Variants in TUT4 observed in about 807,000 individuals in gnomAD.
TUT4 encodes terminal uridylyl transferase 4, also known as terminal uridylyltransferase 4.
In TUT4, 36 loss-of-function variants were observed where a neutral mutation model predicts 192.2. The observed-to-expected ratio is 0.19, with a 90% CI of 0.14 to 0.25. The LOEUF (loss-of-function observed/expected upper bound fraction) is 0.25, where lower values mean the gene tolerates loss of function less well. TUT4 is among the 10% of genes least tolerant of loss of function. TUT4 has a pLI of 1.00. For synonymous variants in TUT4, 618 were observed against 666.0 expected, an observed-to-expected ratio of 0.93 and a Z score of 1.11; for missense variants, 1,493 against 1,957.2, an observed-to-expected ratio of 0.76 and a Z score of 4.47.
chr1:52,470,736 C>T (rs1335947935), intron 14 of TUT4, among the ~76,000 whole-genome samples: 1 of 152,066 alleles, frequency 6.6e-6, no homozygotes. Context: ...AAGTAGTTGC[C>T]TGGTGGGAGG....
At chr1:52,529,827 T>C (rs1198248692) in intron 1 of TUT4, 1 of 152,212 alleles carries the variant, frequency 6.6e-6, no homozygotes, top group Non-Finnish European at 1.5e-5. Flanking sequence ...GGTTTTCATT[T>C]TGAGTAATCT....
chr1:52,550,027 T>C (rs1689007097), intron 1 of TUT4, among the ~76,000 whole-genome samples: 1 of 152,126 alleles, frequency 6.6e-6, no homozygotes, highest in Admixed American at 6.5e-5. Context: ...CTTGGGCCTG[T>C]AAGAAATACT....
intron 15 of TUT4, 75 bp downstream of exon 15, chr1:52,468,106 T>C (rs1010504447): frequency 9.1e-7 from 1 of 1,104,136 alleles, no homozygotes; most frequent in Non-Finnish European, 1.3e-6. Flanking sequence ...ATTCAATAAA[T>C]ATTTTTAAAT....
At chr1:52,509,200 T>TC (rs34337912) in intron 4 of TUT4, among the ~76,000 whole-genome samples, 1 of 151,796 alleles carries the variant, frequency 6.6e-6, no homozygotes, top group African/African-American at 2.4e-5. Flanking sequence ...AGCACAATCT[T>TC]CCCCCCCTAA....
intron 1 of TUT4, among the ~76,000 whole-genome samples, chr1:52,543,221 A>T (rs1406667551): frequency 6.6e-6 from 1 of 152,228 alleles, no homozygotes; most frequent in Non-Finnish European, 1.5e-5. Flanking sequence ...ACACACACAC[A>T]ACTAAAAAAT....
In TUT4 at chr1:52,431,080, G is replaced by T; in HGVS notation, c.4644C>A (p.His1548Gln). 1.2e-6 allele frequency: 2 copies of T among 1,613,972 alleles called. No individual in the cohort carries two copies. Among genetic ancestry groups the T allele is most frequent in the East Asian group, 4.5e-5 (2 of 44,868 alleles). The part of the protein sequence containing the change: ...ARPVAIPNTS[H>Q]DGHWPRTVAP... ...CCACAGTACGGGGCCAGTGTCCATC[G>T]TGAGACGTGTTAGGGATTGCCACAG... The change falls in exon 28 of 30, where the codon CAC becomes CAA. Residue 1548 changes from histidine (H) to glutamine (Q), a missense_variant. This residue lies in a region of TUT4 where 351 missense variants were observed against 397.8 expected (regional missense o/e 0.88). Transcript: ENST00000257177.
chr1:52,457,438 G>A (rs1454309898), intron 20 of TUT4, among the ~76,000 whole-genome samples: 1 of 151,818 alleles, frequency 6.6e-6, no homozygotes, highest in African/African-American at 2.4e-5. Flanking sequence ...GTTTCACCAT[G>A]TTGGCCAGGA....
intron 14 of TUT4, among the ~76,000 whole-genome samples, chr1:52,470,915 AAT>A (rs1191346141): frequency 6.6e-6 from 1 of 152,052 alleles, no homozygotes; most frequent in Non-Finnish European, 1.5e-5. Flanking sequence ...CGTTCCCCAA[AAT>A]ATGTTTATAG....
intron 11 of TUT4, 109 bp downstream of exon 11, chr1:52,481,314 C>A: frequency 8.5e-7 from 1 of 1,174,342 alleles, no homozygotes. Context: ...AAAATGAGGC[C>A]AAGAGGCTTG....
chr1:52,427,046 T>G (rs993102987), intron 28 of TUT4, among the ~76,000 whole-genome samples: 6 of 152,098 alleles, frequency 3.9e-5, no homozygotes, highest in Non-Finnish European at 8.8e-5. Context: ...ATAATAATAC[T>G]ATATAACAGG....
chr1:52,532,038 C>A (rs1286483965), intron 1 of TUT4, among the ~76,000 whole-genome samples: 1 of 151,828 alleles, frequency 6.6e-6, no homozygotes, highest in East Asian at 1.9e-4. Flanking sequence ...CAAGCGTGTG[C>A]TACCACGCCC....
intron 14 of TUT4, among the ~76,000 whole-genome samples, chr1:52,469,628 C>T (rs1665146863): frequency 6.6e-6 from 1 of 152,128 alleles, no homozygotes; most frequent in Non-Finnish European, 1.5e-5. Context: ...CCGTGGCTCA[C>T]ACCTGTAAGC....
chr1:52,552,298 A>C (rs1347093620), intron 1 of TUT4, among the ~76,000 whole-genome samples: 1 of 152,118 alleles, frequency 6.6e-6, no homozygotes, highest in African/African-American at 2.4e-5. Flanking sequence ...GGAGAGCGCT[A>C]TCTGTTTACA....
intron 1 of TUT4, among the ~76,000 whole-genome samples, chr1:52,539,485 T>C (rs1270557686): frequency 1.3e-5 from 2 of 152,148 alleles, no homozygotes; most frequent in African/African-American, 4.8e-5. Context: ...GGATATAATT[T>C]CCTGGCTTTG....
intron 9 of TUT4, among the ~76,000 whole-genome samples, chr1:52,485,305 T>G (rs1235034393): frequency 6.6e-6 from 1 of 152,212 alleles, no homozygotes; most frequent in African/African-American, 2.4e-5. Context: ...GCCATTCACT[T>G]TTGTATATTT....
chr1:52,535,993 A>C (rs996577799), intron 1 of TUT4, among the ~76,000 whole-genome samples: 1 of 152,258 alleles, frequency 6.6e-6, no homozygotes, highest in Non-Finnish European at 1.5e-5. Context: ...ACAAGTGCTA[A>C]AAGAAATTCT....
chr1:52,516,083 C>A, intron 2 of TUT4, 29 bp from the exon 3 acceptor site: 2 of 1,562,862 alleles, frequency 1.3e-6, no homozygotes, highest in South Asian at 1.2e-5. Flanking sequence ...ACTCAGTTAT[C>A]ATCAGAACTG....
rs144468538 is a variant in TUT4, at chr1:52,550,637, C to A, written c.-94+2294G>T. On this transcript the variant is annotated intron_variant, in intron 1 of 29. Transcript: ENST00000257177. ...CTACCTCAGCTTCTGGGACTACAGA[C>A]GCACACCACCACGCCCAGCTAATTT... is the stretch of plus-strand genomic sequence containing the variant. Among the ~76,000 whole-genome samples the A allele has an allele frequency of 2.0e-5, 3 of 151,774 alleles. No homozygotes were observed. The East Asian group carries it at 5.8e-4, about 30-fold the overall frequency.
chr1:52,451,219 T>G (rs934975489), intron 20 of TUT4, among the ~76,000 whole-genome samples: 1 of 150,398 alleles, frequency 6.6e-6, no homozygotes, highest in African/African-American at 2.5e-5. Context: ...TGAGCCGAGA[T>G]TGCGCCACTG....
Sources: allele counts gnomAD v4.1 joint callset (sites outside exome capture counted in the v4.1 genomes callset), GRCh38; gene constraint gnomAD v4.1.1; regional missense constraint gnomAD v4.1.1; transcripts MANE v1.5; gene names NCBI Gene and HGNC (gene_info 2026-07-23, HGNC 2026-07-21).